Variants in EFCAB5 observed in about 807,000 individuals in gnomAD.
The protein encoded by EFCAB5 is EF-hand calcium binding domain 5.
In EFCAB5, 131 loss-of-function variants were observed where a neutral mutation model predicts 167.9. The observed-to-expected ratio is 0.78, with a 90% CI of 0.68 to 0.90. EFCAB5 has a LOEUF of 0.90. Among genes scored for constraint, EFCAB5 ranks in the 40% least tolerant of loss-of-function variants. The probability of loss-of-function intolerance (pLI) is 0.00; values close to 1 mark genes in which losing one functional copy is unlikely to be tolerated. For missense variants in EFCAB5, 1,663 were observed against 1,745.2 expected (o/e 0.95, Z 0.84); for synonymous variants, 574 against 602.8 (o/e 0.95, Z 0.70).
chr17:30,065,984 A>G (rs1278661949), intron 14 of EFCAB5, among the ~76,000 whole-genome samples: 1 of 152,184 alleles, frequency 6.6e-6, no homozygotes, highest in Non-Finnish European at 1.5e-5. Context: ...GGAGAGATAG[A>G]CTCTAATACA....
chr17:30,099,073 C>G (rs930244007), intron 22 of EFCAB5, among the ~76,000 whole-genome samples: 3 of 152,168 alleles, frequency 2.0e-5, no homozygotes, highest in Non-Finnish European at 4.4e-5. Context: ...TAGGTTGTTT[C>G]CACTTTTTGG....
chr17:29,984,291 A>T (rs1042867942), intron 4 of EFCAB5, among the ~76,000 whole-genome samples: 5 of 151,356 alleles, frequency 3.3e-5, no homozygotes, highest in African/African-American at 1.2e-4. Flanking sequence ...TAAATAGCAG[A>T]AGGGGAGACA....
intron 3 of EFCAB5, among the ~76,000 whole-genome samples, chr17:29,964,486 G>T (rs2067786699): frequency 6.6e-6 from 1 of 152,012 alleles, no homozygotes; most frequent in Non-Finnish European, 1.5e-5. Context: ...GTAGAGACGG[G>T]TTTTCACCAT....
intron 4 of EFCAB5, among the ~76,000 whole-genome samples, chr17:29,974,037 A>T (rs111728897): frequency 0.015 from 2,306 of 151,106 alleles, 62 homozygotes; most frequent in African/African-American, 0.052. Flanking sequence ...TGTGCCTGTA[A>T]TCCCAGCTGC....
intron 7 of EFCAB5, among the ~76,000 whole-genome samples, chr17:30,007,642 A>G (rs2068799123): frequency 6.6e-6 from 1 of 152,152 alleles, no homozygotes; most frequent in African/African-American, 2.4e-5. Context: ...AAACAATCAT[A>G]TTTCCATAAT....
chr17:29,988,124 T>C lies in EFCAB5; in HGVS notation c.768-5041T>C, dbSNP rs13341512. ...AAGGCTCAATTTAACATGGGTTAAATTGTGAAAGTGTCTAGCATTAGGTAT... is the reference window on the plus strand; with the variant it reads ...AAGGCTCAATTTAACATGGGTTAAACTGTGAAAGTGTCTAGCATTAGGTAT... On this transcript the variant is annotated intron_variant, in intron 4 of 22. Transcript: ENST00000394835. Among the ~76,000 whole-genome samples, 599 of 152,312 alleles carry C rather than the reference T, an allele frequency of 3.9e-3. 4 individuals are homozygous for C. The highest frequency in any genetic ancestry group is 0.014 in the African/African-American group (574 of 41,568).
intron 14 of EFCAB5, among the ~76,000 whole-genome samples, chr17:30,077,835 C>T (rs143577832): frequency 1.3e-5 from 2 of 152,268 alleles, no homozygotes; most frequent in African/African-American, 4.8e-5. Context: ...AAGTGATAAA[C>T]GCTGGCTCTG....
intron 3 of EFCAB5, among the ~76,000 whole-genome samples, chr17:29,944,184 T>A (rs1002134909): frequency 3.9e-5 from 6 of 152,078 alleles, no homozygotes; most frequent in African/African-American, 1.4e-4. Flanking sequence ...CAAGTGATCC[T>A]CCTATCTCAG....
intron 3 of EFCAB5, among the ~76,000 whole-genome samples, chr17:29,944,367 G>A (rs1264796078): frequency 6.6e-6 from 1 of 152,070 alleles, no homozygotes; most frequent in African/African-American, 2.4e-5. Context: ...AGGCCAGAGG[G>A]TATTTTAAAT....
In EFCAB5 at chr17:30,078,458, T is replaced by G; in HGVS notation, c.2981T>G (p.Val994Gly). The G allele has an allele frequency of 6.2e-7, 1 of 1,613,530 alleles. No individual in the cohort carries two copies. The highest frequency in any genetic ancestry group is 2.2e-5 in the East Asian group (1 of 44,876). ...CAATGTGCTGCAGAGACAAGTGGGGTGTCCCTAGAGCCGGTGTATAGTGAG... is the reference window on the plus strand; with the variant it reads ...CAATGTGCTGCAGAGACAAGTGGGGGGTCCCTAGAGCCGGTGTATAGTGAG... ...QIQCAAETSG[V>G]SLEPVYSETF... The change falls in exon 15 of 23, where the codon GTG becomes GGG. Residue 994 changes from valine to glycine, a missense_variant. Transcript: ENST00000394835.
intron 7 of EFCAB5, among the ~76,000 whole-genome samples, chr17:30,021,782 T>C (rs2069185939): frequency 1.3e-5 from 2 of 152,212 alleles, no homozygotes; most frequent in Admixed American, 1.3e-4. Context: ...TTGGAGCACT[T>C]GCTTTCAAAG....
At chr17:30,025,272 G>A (rs1048908307) in intron 7 of EFCAB5, among the ~76,000 whole-genome samples, 13 of 151,764 alleles carry the variant, frequency 8.6e-5, no homozygotes, top group African/African-American at 2.9e-4. Context: ...CTACTCATCT[G>A]ACAAAGGGCT....
At chr17:29,949,690 T>C (rs1250039783) in intron 3 of EFCAB5, among the ~76,000 whole-genome samples, 2 of 152,248 alleles carry the variant, frequency 1.3e-5, no homozygotes, top group Non-Finnish European at 1.5e-5. Context: ...CAGCTTCATA[T>C]AGGCTTGTTC....
intron 19 of EFCAB5, among the ~76,000 whole-genome samples, chr17:30,088,419 T>C (rs1428250548): frequency 6.6e-6 from 1 of 152,226 alleles, no homozygotes; most frequent in Non-Finnish European, 1.5e-5. Flanking sequence ...TTATTTTCCA[T>C]GAATTTCCTT....
chr17:30,021,219 C>T (rs1192682625), intron 7 of EFCAB5, among the ~76,000 whole-genome samples: 1 of 150,424 alleles, frequency 6.6e-6, no homozygotes, highest in African/African-American at 2.4e-5. Context: ...AGAACTCCAT[C>T]TACAAAGATA....
upstream of EFCAB5, among the ~76,000 whole-genome samples, chr17:29,938,123 G>A (rs990373872): frequency 3.3e-5 from 5 of 152,142 alleles, no homozygotes; most frequent in African/African-American, 1.2e-4. Flanking sequence ...CATACAGGCA[G>A]ACCTGGGAGA....
chr17:30,018,084 C>T (rs1208816548), intron 7 of EFCAB5, among the ~76,000 whole-genome samples: 1 of 152,154 alleles, frequency 6.6e-6, no homozygotes, highest in South Asian at 2.1e-4. Context: ...CTAAACCATA[C>T]CTTGAATGGT....
chr17:30,056,217 G>T (rs779957187), intron 12 of EFCAB5, 61 bp downstream of exon 12: 18 of 1,439,124 alleles, frequency 1.3e-5, no homozygotes, highest in Admixed American at 2.0e-5. Flanking sequence ...TTAATTTACT[G>T]TGGTACTCGA....
At chr17:30,064,926 GA>G (rs952224237) in intron 14 of EFCAB5, among the ~76,000 whole-genome samples, 20 of 151,094 alleles carry the variant, frequency 1.3e-4, no homozygotes, top group Non-Finnish European at 4.4e-5. Context: ...AGTGCTGAAA[GA>G]AAAAAAAATT....
Sources: allele counts gnomAD v4.1 joint callset (sites outside exome capture counted in the v4.1 genomes callset), GRCh38; gene constraint gnomAD v4.1.1; transcripts MANE v1.5; gene names NCBI Gene and HGNC (gene_info 2026-07-23, HGNC 2026-07-21).